CRACD: variants seen among roughly 807,000 people sequenced by gnomAD.
CRACD encodes the protein capping protein-inhibiting regulator of actin dynamics.
Under a neutral mutation model 106.8 loss-of-function variants are expected in CRACD, and 56 were observed. The observed-to-expected ratio is 0.52, with a 90% CI of 0.42 to 0.66. The LOEUF (loss-of-function observed/expected upper bound fraction) is 0.66, where lower values mean the gene tolerates loss of function less well. Among genes scored for constraint, CRACD ranks in the 30% least tolerant of loss-of-function variants. The pLI is 0.00. For synonymous variants in CRACD, 754 were observed against 670.8 expected, an observed-to-expected ratio of 1.12 and a Z score of -1.92; for missense variants, 1,730 against 1,623.2, an observed-to-expected ratio of 1.07 and a Z score of -1.13.
chr4:56,251,803 A>C (rs1443191020), intron 2 of CRACD, among the ~76,000 whole-genome samples: 3 of 152,212 alleles, frequency 2.0e-5, no homozygotes, highest in Non-Finnish European at 4.4e-5. Context: ...ATTTAGGCAG[A>C]GTGACTGCCA....
chr4:56,184,961 T>A (rs867278966), intron 2 of CRACD, among the ~76,000 whole-genome samples: 26 of 152,226 alleles, frequency 1.7e-4, no homozygotes, highest in African/African-American at 6.0e-4. Flanking sequence ...TTATTTATTT[T>A]ATTTTTATTT....
At chr4:56,238,091 A>C (rs1026025279) in intron 2 of CRACD, among the ~76,000 whole-genome samples, 1 of 152,190 alleles carries the variant, frequency 6.6e-6, no homozygotes, top group Admixed American at 6.5e-5. Flanking sequence ...ACTGTTCCAA[A>C]ACTGAGTACT....
chr4:56,101,753 A>ACT (rs71192069), intron 1 of CRACD, among the ~76,000 whole-genome samples: 29,248 of 138,364 alleles, frequency 0.21, 3,379 homozygotes, highest in East Asian at 0.32. Flanking sequence ...ACAGAGCAAG[A>ACT]CTGTCTCAAA....
At chr4:56,092,138 A>G (rs866018781) in intron 1 of CRACD, among the ~76,000 whole-genome samples, 36 of 152,208 alleles carry the variant, frequency 2.4e-4, no homozygotes, top group African/African-American at 8.2e-4. Context: ...ATAGAAGAGG[A>G]CCTGTGGAGG....
At chr4:56,193,708 A>C (rs186762510) in intron 2 of CRACD, among the ~76,000 whole-genome samples, 1 of 152,350 alleles carries the variant, frequency 6.6e-6, no homozygotes, top group East Asian at 1.9e-4. Context: ...ACACATAATC[A>C]ATCTCAGAGA....
intron 3 of CRACD, among the ~76,000 whole-genome samples, chr4:56,292,620 G>A (rs558805364): frequency 1.8e-4 from 27 of 152,172 alleles, no homozygotes; most frequent in Admixed American, 4.6e-4. Flanking sequence ...CACCTCCCGG[G>A]TTCACACCAT....
intron 2 of CRACD, among the ~76,000 whole-genome samples, chr4:56,186,810 C>T (rs1577722013): frequency 6.6e-6 from 1 of 152,102 alleles, no homozygotes; most frequent in Non-Finnish European, 1.5e-5. Flanking sequence ...GCTTGTAATC[C>T]CAGCACTTTG....
chr4:56,307,735 A>C, intron 5 of CRACD, 36 bp downstream of exon 5: 2 of 1,609,844 alleles, frequency 1.2e-6, no homozygotes. Flanking sequence ...GATGGCTCAT[A>C]AACCAGGGCA....
intron 1 of CRACD, among the ~76,000 whole-genome samples, chr4:56,129,676 C>T (rs1029863565): frequency 2.0e-5 from 3 of 152,144 alleles, no homozygotes; most frequent in South Asian, 2.1e-4. Context: ...ACTGACCATG[C>T]GTCAGGCACT....
intron 1 of CRACD, among the ~76,000 whole-genome samples, chr4:56,092,991 C>G (rs1445536424): frequency 6.6e-6 from 1 of 152,148 alleles, no homozygotes; most frequent in Non-Finnish European, 1.5e-5. Context: ...TTGGACATCA[C>G]TAAATATATA....
intron 1 of CRACD, among the ~76,000 whole-genome samples, chr4:56,109,145 G>C (rs1388581738): frequency 6.6e-6 from 1 of 152,216 alleles, no homozygotes; most frequent in Non-Finnish European, 1.5e-5. Context: ...CGTGACAGAG[G>C]GCTCACCTCT....
intron 1 of CRACD, among the ~76,000 whole-genome samples, chr4:56,050,692 A>G (rs1332466165): frequency 2.6e-5 from 4 of 152,372 alleles, no homozygotes; most frequent in African/African-American, 9.6e-5. Context: ...GCAGCTTTGA[A>G]AAAGAAACAT....
intron 1 of CRACD, among the ~76,000 whole-genome samples, chr4:56,174,756 T>C (rs1736515578): frequency 6.6e-6 from 1 of 152,178 alleles, no homozygotes; most frequent in Admixed American, 6.6e-5. Context: ...GGGAGTACAG[T>C]GTATTAGTCT....
chr4:56,272,829 G>A (rs567442937), intron 3 of CRACD, among the ~76,000 whole-genome samples: 63 of 151,546 alleles, frequency 4.2e-4, no homozygotes, highest in African/African-American at 1.3e-3. Context: ...AACCCAGGAG[G>A]TGGAGGTTGC....
intron 1 of CRACD, among the ~76,000 whole-genome samples, chr4:56,149,474 C>T (rs1431942072): frequency 1.3e-5 from 2 of 152,164 alleles, no homozygotes; most frequent in South Asian, 4.1e-4. Flanking sequence ...TTTCCTTATT[C>T]AGTTCCTTTT....
intron 4 of CRACD, among the ~76,000 whole-genome samples, chr4:56,306,511 TCAAACAAACAAA>T (rs61517832): frequency 7.9e-5 from 12 of 151,488 alleles, no homozygotes; most frequent in South Asian, 2.1e-4. Flanking sequence ...AGACCGTGTC[TCAAACAAACAAA>T]CAAACAAACA....
intron 8 of CRACD, among the ~76,000 whole-genome samples, chr4:56,318,736 T>C (rs1447455933): frequency 6.6e-6 from 1 of 152,218 alleles, no homozygotes; most frequent in South Asian, 2.1e-4. Context: ...TTATGCAACT[T>C]GCTGCTGTAG....
At chr4:56,094,992 C>T (rs140523776) in intron 1 of CRACD, among the ~76,000 whole-genome samples, 62 of 152,304 alleles carry the variant, frequency 4.1e-4, no homozygotes, top group African/African-American at 1.3e-3. Context: ...TTGTATTCCT[C>T]AGCAATACAT....
chr4:56,247,699 A>G (rs947241077), intron 2 of CRACD, among the ~76,000 whole-genome samples: 4 of 152,124 alleles, frequency 2.6e-5, no homozygotes, highest in Non-Finnish European at 5.9e-5. Flanking sequence ...TACAAAAATT[A>G]GCTAGGCGTG....
Sources: allele counts gnomAD v4.1 joint callset (sites outside exome capture counted in the v4.1 genomes callset), GRCh38; gene constraint gnomAD v4.1.1; transcripts MANE v1.5; gene names NCBI Gene and HGNC (gene_info 2026-07-23, HGNC 2026-07-21).